Variants in KIF16B observed in about 807,000 individuals in gnomAD.
The protein encoded by KIF16B is kinesin family member 16B, also known as kinesin-like protein KIF16B.
A neutral mutation model predicts 156.3 loss-of-function variants in KIF16B; 98 were observed. The ratio of observed to expected loss-of-function variants is 0.63; its 90% CI spans 0.53 to 0.74. The LOEUF (loss-of-function observed/expected upper bound fraction) is 0.74, where lower values mean the gene tolerates loss of function less well. KIF16B is among the 30% of genes least tolerant of loss of function. The pLI, the probability that KIF16B is intolerant of heterozygous loss-of-function variation, is 0.00. For synonymous variants in KIF16B, 564 were observed against 583.7 expected, an observed-to-expected ratio of 0.97 and a Z score of 0.49; for missense variants, 1,421 against 1,606.5, an observed-to-expected ratio of 0.88 and a Z score of 1.97.
intron 4 of KIF16B, among the ~76,000 whole-genome samples, chr20:16,515,284 T>C (rs1420845206): frequency 6.6e-6 from 1 of 152,192 alleles, no homozygotes; most frequent in Non-Finnish European, 1.5e-5. Context: ...CAACACACTT[T>C]TTTGATAAGA....
intron 12 of KIF16B, among the ~76,000 whole-genome samples, chr20:16,469,248 G>C (rs1228587674): frequency 1.2e-5 from 1 of 85,794 alleles, no homozygotes; most frequent in East Asian, 3.0e-4. Flanking sequence ...GCAGGACCCT[G>C]TGTCTTAAAA....
chr20:16,480,372 T>C (rs57596210), intron 12 of KIF16B, among the ~76,000 whole-genome samples: 2,995 of 152,206 alleles, frequency 0.02, 101 homozygotes, highest in African/African-American at 0.069. Flanking sequence ...AGAGTTCACC[T>C]AGATCAGCCT....
intron 1 of KIF16B, among the ~76,000 whole-genome samples, chr20:16,568,442 G>A (rs2122183994): frequency 6.6e-6 from 1 of 152,228 alleles, no homozygotes; most frequent in South Asian, 2.1e-4. Context: ...TCTTCAGGGA[G>A]CCCCTGCTGA....
chr20:16,563,381 A>G (rs1459959309), intron 1 of KIF16B, among the ~76,000 whole-genome samples: 1 of 152,230 alleles, frequency 6.6e-6, no homozygotes, highest in Non-Finnish European at 1.5e-5. Flanking sequence ...TAAATCTCTC[A>G]GTCCTCAGGA....
In KIF16B at chr20:16,287,551, C is replaced by T. The variant is rs1293125995; in HGVS notation, c.3796-14140G>A. ...ATTATACTGAATTATTATGGTACTGCATCAACTGGATTCATAAATTTAATA... is the reference window on the plus strand; with the variant it reads ...ATTATACTGAATTATTATGGTACTGTATCAACTGGATTCATAAATTTAATA... On this transcript the variant is annotated intron_variant, in intron 25 of 25. Coordinates refer to ENST00000354981, the MANE Select transcript of KIF16B (RefSeq NM_024704.5). Among the ~76,000 whole-genome samples the T allele has an allele frequency of 2.0e-5, 3 of 152,274 alleles. No homozygotes were observed. In the East Asian group the frequency reaches 5.8e-4, roughly 29 times the overall value.
At chr20:16,329,005 C>T (rs6043892) in intron 24 of KIF16B, among the ~76,000 whole-genome samples, 109,197 of 152,082 alleles carry the variant, frequency 0.72, 40,138 homozygotes, top group East Asian at 0.96. Context: ...GAAAGACACC[C>T]TGTTAAATGC....
At chr20:16,560,932 GT>G (rs1326750397) in intron 1 of KIF16B, among the ~76,000 whole-genome samples, 1 of 152,054 alleles carries the variant, frequency 6.6e-6, no homozygotes, top group South Asian at 2.1e-4. Flanking sequence ...CTTCATCAGT[GT>G]TTTTTTCAAA....
chr20:16,519,775 T>C (rs1409692233), intron 3 of KIF16B, among the ~76,000 whole-genome samples: 4 of 152,322 alleles, frequency 2.6e-5, no homozygotes, highest in South Asian at 4.1e-4. Context: ...GCAAGATCAA[T>C]GCAGAAGGCA....
intron 24 of KIF16B, among the ~76,000 whole-genome samples, chr20:16,332,739 T>C (rs1448098618): frequency 1.3e-5 from 2 of 152,174 alleles, no homozygotes; most frequent in Non-Finnish European, 2.9e-5. Context: ...ATAAAAGCAC[T>C]TTACTTAGTG....
chr20:16,284,020 C>T (rs6034438), intron 25 of KIF16B, among the ~76,000 whole-genome samples: 8,011 of 152,218 alleles, frequency 0.053, 269 homozygotes, highest in African/African-American at 0.1. Flanking sequence ...CACGCTTCTG[C>T]GAAAGTTGTA....
intron 15 of KIF16B, among the ~76,000 whole-genome samples, chr20:16,413,555 G>T (rs2066010570): frequency 6.6e-6 from 1 of 151,846 alleles, no homozygotes; most frequent in Admixed American, 6.6e-5. Flanking sequence ...TTTCATTTTG[G>T]GTTACAAATA....
intron 1 of KIF16B, among the ~76,000 whole-genome samples, chr20:16,549,171 C>T (rs1296993538): frequency 1.3e-5 from 2 of 148,924 alleles, no homozygotes; most frequent in Non-Finnish European, 3.0e-5. Context: ...GGTATATCTC[C>T]CAATGCCATC....
chr20:16,542,283 T>C (rs6034524), intron 1 of KIF16B, among the ~76,000 whole-genome samples: 80,258 of 151,954 alleles, frequency 0.53, 21,328 homozygotes, highest in Non-Finnish European at 0.55. Context: ...ATCTGGGATG[T>C]TGTATGGGGA....
At chr20:16,391,099 G>C (rs556500395) in intron 17 of KIF16B, among the ~76,000 whole-genome samples, 1 of 152,092 alleles carries the variant, frequency 6.6e-6, no homozygotes. Context: ...GTGTGGGTGG[G>C]GGAAGATCCA....
intron 1 of KIF16B, among the ~76,000 whole-genome samples, chr20:16,557,841 G>A (rs1331907975): frequency 6.6e-6 from 1 of 152,122 alleles, no homozygotes; most frequent in African/African-American, 2.4e-5. Context: ...TAACAGTACG[G>A]GTTCCCATTT....
In KIF16B at chr20:16,444,723, C is replaced by T. The variant is rs138945299; in HGVS notation, c.1303-14741G>A. 2.1e-3 allele frequency among the ~76,000 whole-genome samples: 313 copies of T among 152,272 alleles called. 4 individuals carry two copies. Among genetic ancestry groups the T allele is most frequent in the Admixed American group, 0.013 (206 of 15,286 alleles). ...TCTACTTTAATGTATGTAACCTGTC[C>T]ACTGTTCGTGGGCATTTAAATTGCT... is the stretch of plus-strand genomic sequence containing the variant. On this transcript the variant is annotated intron_variant, in intron 12 of 25. Transcript: ENST00000354981.
At chr20:16,564,751 T>C (rs2071192124) in intron 1 of KIF16B, among the ~76,000 whole-genome samples, 2 of 151,658 alleles carry the variant, frequency 1.3e-5, no homozygotes, top group African/African-American at 4.8e-5. Context: ...CTTCCTTTCA[T>C]CTCTCCATTA....
At position 16,345,821 on chromosome 20, in the gene KIF16B, C is replaced by T. The variant is rs115232303; in HGVS notation, c.3622-9806G>A. Among the ~76,000 whole-genome samples, 323 of 152,280 alleles carry T rather than the reference C, an allele frequency of 2.1e-3. 2 individuals carry two copies. The highest frequency in any genetic ancestry group is 7.0e-3 in the African/African-American group (292 of 41,564). ...CCCAGGAATAGCTAGGCAGGAGGAA[C>T]GGAAAGGCTGGTGCTCTTGGGAGAA... is the stretch of plus-strand genomic sequence containing the variant. On this transcript the variant is annotated intron_variant, in intron 23 of 25. Transcript: ENST00000354981.
At chr20:16,393,211 G>A (rs1305149978) in intron 17 of KIF16B, among the ~76,000 whole-genome samples, 1 of 151,906 alleles carries the variant, frequency 6.6e-6, no homozygotes, top group East Asian at 1.9e-4. Context: ...AACCAATCAT[G>A]TTTTCTTGGT....
Sources: gnomAD v4.1 joint callset for allele counts (sites outside exome capture counted in the v4.1 genomes callset) on GRCh38, gnomAD v4.1.1 for gene constraint, MANE v1.5 for transcripts, NCBI Gene and HGNC (gene_info 2026-07-23, HGNC 2026-07-21) for gene names.